NRG3: variants seen among roughly 807,000 people sequenced by gnomAD.
NRG3 encodes pro-neuregulin-3, membrane-bound isoform.
In NRG3, 31 loss-of-function variants were observed where a neutral mutation model predicts 66.9. The observed-to-expected ratio is 0.46, with a 90% CI of 0.35 to 0.63. The LOEUF is 0.63. Among genes scored for constraint, NRG3 ranks in the 20% least tolerant of loss-of-function variants. The pLI is 0.00. For synonymous variants in NRG3, 393 were observed against 359.4 expected, an observed-to-expected ratio of 1.09 and a Z score of -1.06; for missense variants, 910 against 878.9, an observed-to-expected ratio of 1.04 and a Z score of -0.45.
In NRG3 at chr10:82,935,922, A is replaced by G. The variant is rs113504870; in HGVS notation, c.1055-15547A>G. Among the ~76,000 whole-genome samples, 1,265 of 152,280 alleles carry G rather than the reference A, an allele frequency of 8.3e-3. 21 individuals are homozygous for G. Among genetic ancestry groups the G allele is most frequent in the African/African-American group, 0.029 (1,222 of 41,546 alleles). On this transcript the variant is annotated intron_variant, in intron 4 of 8. Transcript: ENST00000372141. ...TATAAAGAACATATGGTATGATTCT[A>G]TTTACATAAAGATCAAAAATAGATA...
chr10:82,302,277 T>A (rs562160440), intron 1 of NRG3, among the ~76,000 whole-genome samples: 1 of 152,108 alleles, frequency 6.6e-6, no homozygotes, highest in Non-Finnish European at 1.5e-5. Flanking sequence ...AAAATCTATA[T>A]CATACCCACA....
chr10:82,971,250 C>T (rs762138166), intron 6 of NRG3, among the ~76,000 whole-genome samples: 11 of 152,002 alleles, frequency 7.2e-5, no homozygotes, highest in African/African-American at 2.4e-4. Context: ...AATTTCAACA[C>T]GAGATTCAAA....
At chr10:82,155,247 C>T (rs76969137) in intron 1 of NRG3, among the ~76,000 whole-genome samples, 2,722 of 151,796 alleles carry the variant, frequency 0.018, 82 homozygotes, top group African/African-American at 0.061. Flanking sequence ...TGTAGAGTTA[C>T]AAAATGGAAA....
At chr10:82,568,541 A>G (rs1015430820) in intron 2 of NRG3, among the ~76,000 whole-genome samples, 2 of 151,840 alleles carry the variant, frequency 1.3e-5, no homozygotes, top group Non-Finnish European at 1.5e-5. Flanking sequence ...ACTTCTGCAC[A>G]TATTCCATTG....
intron 1 of NRG3, among the ~76,000 whole-genome samples, chr10:82,139,801 G>A (rs1051445494): frequency 6.6e-6 from 1 of 152,122 alleles, no homozygotes; most frequent in Non-Finnish European, 1.5e-5. Flanking sequence ...TTATAAGCTT[G>A]ATTCATTGTT....
intron 1 of NRG3, among the ~76,000 whole-genome samples, chr10:82,107,159 A>C (rs2067117907): frequency 6.6e-6 from 1 of 152,216 alleles, no homozygotes; most frequent in African/African-American, 2.4e-5. Context: ...CATTACACTT[A>C]CTGGTTAACC....
chr10:82,228,425 AAT>A (rs566940637), intron 1 of NRG3, among the ~76,000 whole-genome samples: 79 of 152,262 alleles, frequency 5.2e-4, no homozygotes, highest in African/African-American at 1.9e-3. Context: ...TTTTAGTGGG[AAT>A]AAAACTTAAC....
chr10:82,109,581 A>G (rs58701558), intron 1 of NRG3, among the ~76,000 whole-genome samples: 5,374 of 137,958 alleles, frequency 0.039, 212 homozygotes, highest in African/African-American at 0.12. Flanking sequence ...GTGTGTGTAT[A>G]TATATATTTT....
At chr10:82,292,895 G>A (rs1378369834) in intron 1 of NRG3, among the ~76,000 whole-genome samples, 1 of 152,156 alleles carries the variant, frequency 6.6e-6, no homozygotes, top group Non-Finnish European at 1.5e-5. Flanking sequence ...TATGGTGAAG[G>A]AATATTCTGC....
chr10:82,385,327 T>C (rs888876398), intron 2 of NRG3, among the ~76,000 whole-genome samples: 39 of 152,100 alleles, frequency 2.6e-4, no homozygotes, highest in Non-Finnish European at 1.8e-4. Flanking sequence ...TTTTTCATTA[T>C]ATATTTAGAT....
chr10:82,405,431 C>G (rs1163544099), intron 2 of NRG3, among the ~76,000 whole-genome samples: 1 of 147,318 alleles, frequency 6.8e-6, no homozygotes, highest in South Asian at 2.1e-4. Context: ...AGTACCTTTT[C>G]TATCTTTGGA....
intron 1 of NRG3, among the ~76,000 whole-genome samples, chr10:82,173,264 C>T (rs2072768769): frequency 6.7e-6 from 1 of 149,978 alleles, no homozygotes; most frequent in Non-Finnish European, 1.5e-5. Flanking sequence ...TAGCCAGATA[C>T]ATTAAGTTTT....
chr10:82,241,110 A>G (rs546542755), intron 1 of NRG3, among the ~76,000 whole-genome samples: 3 of 152,308 alleles, frequency 2.0e-5, no homozygotes, highest in Non-Finnish European at 2.9e-5. Context: ...TTCTATGAAC[A>G]TTAGAGAAGT....
At chr10:82,481,271 G>A (rs1200499206) in intron 2 of NRG3, among the ~76,000 whole-genome samples, 1 of 152,138 alleles carries the variant, frequency 6.6e-6, no homozygotes, top group Admixed American at 6.5e-5. Context: ...AGCCTCTAAT[G>A]GCCTTAGTTG....
chr10:82,206,182 A>G (rs574426292), intron 1 of NRG3, among the ~76,000 whole-genome samples: 1 of 152,160 alleles, frequency 6.6e-6, no homozygotes, highest in East Asian at 1.9e-4. Context: ...GCATCTTCAA[A>G]TATTTAGTTT....
At chr10:82,928,451 C>A (rs1034791063) in intron 4 of NRG3, among the ~76,000 whole-genome samples, 1 of 152,038 alleles carries the variant, frequency 6.6e-6, no homozygotes, top group Non-Finnish European at 1.5e-5. Flanking sequence ...AGGTTTTCTT[C>A]TAGGGTTTTT....
intron 6 of NRG3, among the ~76,000 whole-genome samples, chr10:82,969,869 A>G (rs1284532644): frequency 6.6e-6 from 1 of 152,240 alleles, no homozygotes; most frequent in African/African-American, 2.4e-5. Context: ...CAAAATCTGT[A>G]TATATATAAA....
rs538925112 is a variant in NRG3 at position 82,839,334 on chromosome 10, C to G, written c.1028-26077C>G. 1.1e-3 allele frequency among the ~76,000 whole-genome samples: 173 copies of G among 152,174 alleles called. 2 individuals are homozygous for G. Among genetic ancestry groups the G allele is most frequent in the Middle Eastern group, 6.9e-3 (2 of 290 alleles). Reference sequence around the variant, plus strand: ...CATTTTTTAACAAACTGATACTTATCAAATCTTAGAAGTTTGATGTCATTA... The same window carrying G: ...CATTTTTTAACAAACTGATACTTATGAAATCTTAGAAGTTTGATGTCATTA... On this transcript the variant is annotated intron_variant, in intron 3 of 8. Coordinates refer to ENST00000372141, the MANE Select transcript of NRG3 (RefSeq NM_001010848.4).
At chr10:82,317,844 G>A (rs1397577722) in intron 1 of NRG3, among the ~76,000 whole-genome samples, 1 of 152,130 alleles carries the variant, frequency 6.6e-6, no homozygotes, top group African/African-American at 2.4e-5. Flanking sequence ...AATTTAAAGA[G>A]GAAAGGGCAG....
Sources: gnomAD v4.1 joint callset for allele counts (sites outside exome capture counted in the v4.1 genomes callset) on GRCh38, gnomAD v4.1.1 for gene constraint, MANE v1.5 for transcripts, NCBI Gene and HGNC (gene_info 2026-07-23, HGNC 2026-07-21) for gene names.